CERKL: variants seen among roughly 807,000 people sequenced by gnomAD.
CERKL encodes the protein CERK like autophagy regulator.
In CERKL, 61 loss-of-function variants were observed where a neutral mutation model predicts 63.4. The observed-to-expected ratio is 0.96, with a 90% CI of 0.78 to 1.19. The LOEUF (loss-of-function observed/expected upper bound fraction) is 1.19. Among genes scored for constraint, CERKL ranks in the 50% most tolerant of loss-of-function variants. CERKL has a pLI of 0.00. For synonymous variants in CERKL, 250 were observed against 230.5 expected, an observed-to-expected ratio of 1.08 and a Z score of -0.77; for missense variants, 675 against 655.5, an observed-to-expected ratio of 1.03 and a Z score of -0.33.
intron 2 of CERKL, among the ~76,000 whole-genome samples, chr2:181,601,128 C>CA (rs1190766128): frequency 6.6e-6 from 1 of 152,002 alleles, no homozygotes; most frequent in African/African-American, 2.4e-5. Context: ...ATGCATAAAT[C>CA]AAAAAAATTG....
At chr2:181,557,557 G>T (rs1688265829) in intron 5 of CERKL, among the ~76,000 whole-genome samples, 2 of 152,056 alleles carry the variant, frequency 1.3e-5, no homozygotes, top group African/African-American at 2.4e-5. Context: ...CTGGATCACA[G>T]TGTTGCTCTA....
At chr2:181,603,719 G>T (rs756078573) in intron 2 of CERKL, 118 bp downstream of exon 2, 1 of 1,033,304 alleles carries the variant, frequency 9.7e-7, no homozygotes, top group South Asian at 1.3e-5. Context: ...ACAAAAACTA[G>T]GAACAGAAGG....
intron 1 of CERKL, among the ~76,000 whole-genome samples, chr2:181,650,878 A>T (rs570749240): frequency 6.6e-6 from 1 of 152,372 alleles, no homozygotes; most frequent in South Asian, 2.1e-4. Flanking sequence ...AAATAATTTC[A>T]AAAGATGAAC....
At chr2:181,619,895 G>C (rs1231399208) in intron 1 of CERKL, among the ~76,000 whole-genome samples, 2 of 152,148 alleles carry the variant, frequency 1.3e-5, no homozygotes, top group Non-Finnish European at 2.9e-5. Context: ...TAATTAAATG[G>C]TGGTTTTAAG....
At chr2:181,611,530 A>G (rs977168724) in intron 1 of CERKL, among the ~76,000 whole-genome samples, 2 of 151,814 alleles carry the variant, frequency 1.3e-5, no homozygotes, top group Non-Finnish European at 2.9e-5. Context: ...AACAAAATAA[A>G]CCAAATAAGC....
intron 2 of CERKL, among the ~76,000 whole-genome samples, chr2:181,588,831 A>G (rs1176915797): frequency 6.6e-6 from 1 of 152,100 alleles, no homozygotes; most frequent in African/African-American, 2.4e-5. Flanking sequence ...CATTTCCCTG[A>G]TTGTTAGTGA....
At chr2:181,643,253 A>G (rs1687525129) in intron 1 of CERKL, among the ~76,000 whole-genome samples, 1 of 152,230 alleles carries the variant, frequency 6.6e-6, no homozygotes, top group Non-Finnish European at 1.5e-5. Context: ...AGACAATATA[A>G]TATAAGCCCT....
At chr2:181,581,905 C>A (rs780345881) in intron 2 of CERKL, among the ~76,000 whole-genome samples, 2 of 152,214 alleles carry the variant, frequency 1.3e-5, no homozygotes, top group African/African-American at 4.8e-5. Flanking sequence ...ACTGCATAAG[C>A]CCTGAGGTTG....
At chr2:181,590,043 A>C (rs1033212263) in intron 2 of CERKL, among the ~76,000 whole-genome samples, 86 of 150,922 alleles carry the variant, frequency 5.7e-4, no homozygotes, top group African/African-American at 2.0e-3. Context: ...TGGTCTGTCC[A>C]GTTCCTGGGC....
intron 4 of CERKL, among the ~76,000 whole-genome samples, chr2:181,564,569 T>C (rs1688584016): frequency 6.6e-6 from 1 of 152,194 alleles, no homozygotes; most frequent in Admixed American, 6.5e-5. Flanking sequence ...CAATCGTCTT[T>C]CTTCATTCTG....
chr2:181,649,146 T>C lies in CERKL; in HGVS notation c.238+7623A>G, dbSNP rs1291417765. Among the ~76,000 whole-genome samples the C allele has an allele frequency of 5.9e-5, 9 of 152,272 alleles. No individual in the cohort carries two copies. The East Asian group carries it at 9.6e-4, about 16-fold the overall frequency. On this transcript the variant is annotated intron_variant, in intron 1 of 12. Transcript: ENST00000410087. ...TGCAGGACTGGAAAAAAAACTCAGC[T>C]ACATGCTGCCTAAAAGAGGCTTACC...
intron 2 of CERKL, among the ~76,000 whole-genome samples, chr2:181,584,074 G>C (rs1251671981): frequency 6.6e-6 from 1 of 152,186 alleles, no homozygotes; most frequent in African/African-American, 2.4e-5. Context: ...TAAAATGTTT[G>C]AAGCAGATAC....
chr2:181,624,124 T>G (rs181198513), intron 1 of CERKL, among the ~76,000 whole-genome samples: 2 of 151,568 alleles, frequency 1.3e-5, no homozygotes, highest in Admixed American at 6.6e-5. Flanking sequence ...GACATAAGAG[T>G]AGAGGGATCA....
At position 181,582,656 on chromosome 2, in the gene CERKL, C is replaced by T. The variant is rs578144260; in HGVS notation, c.482-8772G>A. Among the ~76,000 whole-genome samples, 12 of 151,920 alleles carry T rather than the reference C, an allele frequency of 7.9e-5. No individual in the cohort carries two copies. In the East Asian group the frequency reaches 1.5e-3, roughly 20 times the overall value. ...GTTCAAGTGATTCTCCCGCCTCAGC[C>T]TCCCAAGTAGCTGGGATTACTGGGA... On this transcript the variant is annotated intron_variant, in intron 2 of 12. Coordinates refer to ENST00000410087, the MANE Select transcript of CERKL (RefSeq NM_201548.5).
At chr2:181,591,122 G>A (rs1275315845) in intron 2 of CERKL, among the ~76,000 whole-genome samples, 6 of 152,216 alleles carry the variant, frequency 3.9e-5, no homozygotes, top group African/African-American at 1.2e-4. Context: ...TCCAGTATAT[G>A]CTGTTAAGTT....
At chr2:181,625,410 G>C (rs961928308) in intron 1 of CERKL, among the ~76,000 whole-genome samples, 4 of 152,018 alleles carry the variant, frequency 2.6e-5, no homozygotes, top group Non-Finnish European at 5.9e-5. Context: ...ACAAAGATTA[G>C]TTCAGTTAAT....
At chr2:181,540,237 CTGTT>C (rs1687438461) in intron 11 of CERKL, among the ~76,000 whole-genome samples, 1 of 152,192 alleles carries the variant, frequency 6.6e-6, no homozygotes, top group Non-Finnish European at 1.5e-5. Context: ...CCAAGCAAAA[CTGTT>C]TGACAGTAAC....
At chr2:181,610,891 TTACTC>T (rs1685939144) in intron 1 of CERKL, among the ~76,000 whole-genome samples, 1 of 152,130 alleles carries the variant, frequency 6.6e-6, no homozygotes, top group Admixed American at 6.5e-5. Flanking sequence ...TTCCAGGAAT[TTACTC>T]TAAGGGAATA....
At chr2:181,610,329 C>A (rs993857390) in intron 1 of CERKL, among the ~76,000 whole-genome samples, 1 of 152,220 alleles carries the variant, frequency 6.6e-6, no homozygotes. Flanking sequence ...GGCACAAGAT[C>A]AAAAATAATG....
Sources: allele counts gnomAD v4.1 joint callset (sites outside exome capture counted in the v4.1 genomes callset), GRCh38; gene constraint gnomAD v4.1.1; transcripts MANE v1.5; gene names NCBI Gene and HGNC (gene_info 2026-07-23, HGNC 2026-07-21).